Variants in AP2B1 observed in about 807,000 individuals in gnomAD.
AP2B1 encodes AP-2 complex subunit beta.
A neutral mutation model predicts 102.0 loss-of-function variants in AP2B1; 23 were observed. The ratio of observed to expected loss-of-function variants is 0.23; its 90% CI spans 0.16 to 0.32. The LOEUF is 0.32. Ranked by LOEUF, AP2B1 falls within the 10% of genes least tolerant of loss-of-function variation. AP2B1 has a pLI of 1.00. For missense variants in AP2B1, 541 were observed against 1,157.4 expected (o/e 0.47, Z 7.73); for synonymous variants, 381 against 421.2 (o/e 0.90, Z 1.17).
chr17:35,716,137 A>G (rs1309847732), intron 20 of AP2B1, among the ~76,000 whole-genome samples: 1 of 152,236 alleles, frequency 6.6e-6, no homozygotes, highest in Admixed American at 6.5e-5. Flanking sequence ...AAGACCATCC[A>G]TCATGGCAAC....
intron 16 of AP2B1, among the ~76,000 whole-genome samples, chr17:35,673,422 C>T (rs1432965796): frequency 2.0e-5 from 3 of 152,014 alleles, no homozygotes; most frequent in Admixed American, 6.6e-5. Context: ...CTCCTGATCT[C>T]GTGATCTGCC....
intron 10 of AP2B1, among the ~76,000 whole-genome samples, chr17:35,638,617 T>A (rs897725102): frequency 4.0e-5 from 6 of 151,738 alleles, no homozygotes; most frequent in African/African-American, 1.2e-4. Flanking sequence ...AGAAACCCTG[T>A]CTCTACTAAA....
intron 20 of AP2B1, among the ~76,000 whole-genome samples, chr17:35,715,416 G>A (rs1449321167): frequency 1.3e-5 from 2 of 152,246 alleles, no homozygotes; most frequent in African/African-American, 2.4e-5. Flanking sequence ...ACATGTATAT[G>A]CTAGAATGTA....
Position 35,627,377 on chromosome 17 carries a change from T to C in AP2B1, c.939-8T>C, listed in dbSNP as rs1345276314. 4 of 1,612,348 alleles carry C rather than the reference T, an allele frequency of 2.5e-6. No individual in the cohort carries two copies. In the African/African-American group the frequency reaches 4.0e-5, roughly 16 times the overall value. ...CACCTTCCTTTCTTCTGTTTCTGTG[T>C]ACCCTAGGCCTGAAATCTTGAAGCA... On this transcript the variant is annotated splice_polypyrimidine_tract_variant and splice_region_variant and intron_variant, in intron 7 of 21. Coordinates refer to ENST00000610402, the MANE Select transcript of AP2B1 (RefSeq NM_001030006.2).
At chr17:35,712,741 A>G (rs937726277) in intron 20 of AP2B1, among the ~76,000 whole-genome samples, 3 of 152,278 alleles carry the variant, frequency 2.0e-5, no homozygotes, top group Non-Finnish European at 4.4e-5. Flanking sequence ...ATTGCACGTT[A>G]GCAGACTAAA....
rs758959325 is a variant in AP2B1 at position 35,639,580 on chromosome 17, AT to A, written c.1272-7del. The A allele has an allele frequency of 2.6e-5, 41 of 1,595,886 alleles. No individual in the cohort carries two copies. The highest frequency in any genetic ancestry group is 5.3e-5 in the Admixed American group (3 of 56,346). ...GTTTTGCCCTCAATAACCATAGTTC[AT>A]TTTTTTTCATCAGGTATGAAAGTAT... On this transcript the variant is annotated splice_polypyrimidine_tract_variant and intron_variant, in intron 10 of 21. Coordinates refer to ENST00000610402, the MANE Select transcript of AP2B1 (RefSeq NM_001030006.2).
At chr17:35,609,714 A>G (rs1478702773) in intron 5 of AP2B1, among the ~76,000 whole-genome samples, 3 of 152,090 alleles carry the variant, frequency 2.0e-5, no homozygotes, top group Non-Finnish European at 4.4e-5. Context: ...GCCTCAAGCA[A>G]TCCTCCCACC....
chr17:35,654,058 A>AT (rs760832850), intron 13 of AP2B1, among the ~76,000 whole-genome samples: 32 of 150,544 alleles, frequency 2.1e-4, no homozygotes, highest in Non-Finnish European at 4.4e-4. Context: ...AATTTTTACA[A>AT]TTTTTTTTAC....
chr17:35,687,564 A>G (rs2075962022), intron 18 of AP2B1, among the ~76,000 whole-genome samples: 1 of 151,476 alleles, frequency 6.6e-6, no homozygotes, highest in South Asian at 2.1e-4. Flanking sequence ...TTTTTTTTTT[A>G]AGAGATAAAA....
chr17:35,686,211 A>G (rs2075927922), intron 18 of AP2B1, among the ~76,000 whole-genome samples: 1 of 152,250 alleles, frequency 6.6e-6, no homozygotes, highest in Admixed American at 6.5e-5. Flanking sequence ...ATACAAAGTA[A>G]AGTTAAGCTT....
chr17:35,670,775 AT>A (rs2075569929), intron 14 of AP2B1, 81 bp from the exon 15 acceptor site: 1 of 1,426,070 alleles, frequency 7.0e-7, no homozygotes, highest in Non-Finnish European at 9.9e-7. Context: ...TGGTAGAGCA[AT>A]TTACAGATTC....
chr17:35,698,737 G>T (rs1028355810), intron 18 of AP2B1, among the ~76,000 whole-genome samples: 2 of 152,210 alleles, frequency 1.3e-5, no homozygotes, highest in Admixed American at 6.5e-5. Flanking sequence ...TACAGGGGCA[G>T]GGTGGGGGAT....
chr17:35,662,895 C>G (rs2075389535), intron 14 of AP2B1, among the ~76,000 whole-genome samples: 1 of 152,168 alleles, frequency 6.6e-6, no homozygotes, highest in Non-Finnish European at 1.5e-5. Flanking sequence ...AGTGCCCTTT[C>G]TCTGTGCTGA....
chr17:35,680,381 G>T (rs114517776), intron 17 of AP2B1, among the ~76,000 whole-genome samples: 3 of 150,832 alleles, frequency 2.0e-5, no homozygotes, highest in Non-Finnish European at 4.4e-5. Flanking sequence ...TTTTCCACCC[G>T]AAACAGGGTC....
chr17:35,722,562 C>T (rs1187631992), intron 21 of AP2B1, among the ~76,000 whole-genome samples: 1 of 151,418 alleles, frequency 6.6e-6, no homozygotes, highest in African/African-American at 2.4e-5. Flanking sequence ...GGAAATTCAC[C>T]GTTGACCAAA....
At chr17:35,684,872 T>G (rs1032706953) in intron 18 of AP2B1, among the ~76,000 whole-genome samples, 9 of 152,126 alleles carry the variant, frequency 5.9e-5, no homozygotes, top group African/African-American at 2.2e-4. Context: ...GGGCAAATTT[T>G]CTGCTCTTAA....
At chr17:35,717,086 G>C (rs1367671666) in intron 20 of AP2B1, 109 bp from the exon 21 acceptor site, 3 of 1,227,974 alleles carry the variant, frequency 2.4e-6, no homozygotes, top group Non-Finnish European at 3.5e-6. Flanking sequence ...CCATGTGACA[G>C]TACTTGTCAG....
intron 21 of AP2B1, among the ~76,000 whole-genome samples, chr17:35,721,804 C>T (rs2085402152): frequency 6.6e-6 from 1 of 152,182 alleles, no homozygotes; most frequent in Admixed American, 6.5e-5. Context: ...GGGACTACCT[C>T]TCCTTAGTCT....
chr17:35,643,717 G>A (rs940825445), intron 12 of AP2B1, among the ~76,000 whole-genome samples: 2 of 152,096 alleles, frequency 1.3e-5, no homozygotes, highest in East Asian at 1.9e-4. Context: ...ACTAAATTAC[G>A]CTGATACTAA....
Sources: allele counts gnomAD v4.1 joint callset (sites outside exome capture counted in the v4.1 genomes callset), GRCh38; gene constraint gnomAD v4.1.1; transcripts MANE v1.5; gene names NCBI Gene and HGNC (gene_info 2026-07-23, HGNC 2026-07-21).